The following CHLSN variants were observed in gnomAD, a reference collection of about 807,000 sequenced individuals.
CHLSN encodes cholesin.
chr7:1,092,245 C>G, the CHLSN span: 1 of 1,612,510 alleles, frequency 6.2e-7, no homozygotes, highest in Non-Finnish European at 8.5e-7. Context: ...CACCAAGCAC[C>G]ACGCCCGGCT....
the CHLSN span, chr7:984,723 G>A: frequency 7.9e-7 from 1 of 1,257,876 alleles, no homozygotes; most frequent in Non-Finnish European, 1.1e-6. Context: ...TGCTGAGAAG[G>A]GCCAGGTGTC....
chr7:1,016,462 C>G, the CHLSN span, among the ~76,000 whole-genome samples: 8 of 117,640 alleles, frequency 6.8e-5, no homozygotes, highest in Non-Finnish European at 1.2e-4. Context: ...GCAGCGCACG[C>G]CAGCACATAG....
chr7:1,134,801 T>TGGGAGGCGGAGCTTGCA, the CHLSN span, among the ~76,000 whole-genome samples: 1 of 148,716 alleles, frequency 6.7e-6, no homozygotes, highest in South Asian at 2.1e-4. Flanking sequence ...GATGTGAACC[T>TGGGAGGCGGAGCTTGCA]GGGAGGCGGA....
the CHLSN span, among the ~76,000 whole-genome samples, chr7:1,085,461 C>G: frequency 6.6e-6 from 1 of 152,144 alleles, no homozygotes; most frequent in Non-Finnish European, 1.5e-5. Context: ...CAGTCAGTTT[C>G]TGCAACCATG....
the CHLSN span, among the ~76,000 whole-genome samples, chr7:1,042,194 C>T: frequency 6.6e-6 from 1 of 152,262 alleles, no homozygotes; most frequent in South Asian, 2.1e-4. Context: ...CGGCCCCAGG[C>T]CAGGAGCGCA....
the CHLSN span, among the ~76,000 whole-genome samples, chr7:1,065,677 G>A: frequency 5.3e-5 from 8 of 152,198 alleles, no homozygotes; most frequent in African/African-American, 1.9e-4. Context: ...AGGGAGGGGC[G>A]ACGGAGGCGG....
chr7:1,108,738 C>A, the CHLSN span, among the ~76,000 whole-genome samples: 1 of 152,192 alleles, frequency 6.6e-6, no homozygotes, highest in Non-Finnish European at 1.5e-5. Context: ...CGTGTCACTG[C>A]TGACACACAC....
chr7:1,040,837 C>T, the CHLSN span, among the ~76,000 whole-genome samples: 5 of 152,222 alleles, frequency 3.3e-5, no homozygotes, highest in Admixed American at 1.3e-4. Context: ...AAAAGCCTAG[C>T]GTCTAGAACA....
chr7:1,009,145 G>T, the CHLSN span, among the ~76,000 whole-genome samples: 1 of 151,972 alleles, frequency 6.6e-6, no homozygotes, highest in African/African-American at 2.4e-5. Flanking sequence ...TCTCCGAGGA[G>T]GTCATCTCTC....
the CHLSN span, among the ~76,000 whole-genome samples, chr7:987,977 TG>T: frequency 1.3e-3 from 74 of 59,052 alleles, no homozygotes; most frequent in Non-Finnish European, 1.7e-3. Context: ...CTGTGTGTCC[TG>T]GGGGGGTCCC....
the CHLSN span, among the ~76,000 whole-genome samples, chr7:1,098,864 G>C: frequency 6.6e-6 from 1 of 152,240 alleles, no homozygotes; most frequent in Admixed American, 6.5e-5. Context: ...ACAGGCAATG[G>C]AGTTTCCCTG....
chr7:987,876 TC>T, the CHLSN span, among the ~76,000 whole-genome samples: 1 of 144,220 alleles, frequency 6.9e-6, no homozygotes, highest in African/African-American at 2.7e-5. Flanking sequence ...GTCCTGGGGA[TC>T]CCCTGTGTGT....
the CHLSN span, among the ~76,000 whole-genome samples, chr7:1,042,476 A>G: frequency 1.3e-5 from 2 of 152,172 alleles, no homozygotes; most frequent in African/African-American, 4.8e-5. Context: ...ACGCAGCTGC[A>G]GCCTCTGGAG....
At chr7:1,105,993 A>G in the CHLSN span, among the ~76,000 whole-genome samples, 24 of 151,048 alleles carry the variant, frequency 1.6e-4, no homozygotes, top group Non-Finnish European at 2.9e-4. Flanking sequence ...AGGGGAGAGG[A>G]GAGAGGTGAA....
At chr7:1,091,898 T>C in the CHLSN span, 1 of 1,614,012 alleles carries the variant, frequency 6.2e-7, no homozygotes, top group South Asian at 1.1e-5. Context: ...CAGTACGTGA[T>C]CGGCCTGTTC....
chr7:1,001,480 TG>T, the CHLSN span, among the ~76,000 whole-genome samples: 3 of 118,918 alleles, frequency 2.5e-5, no homozygotes, highest in African/African-American at 1.0e-4. Context: ...GTCCTGTGGG[TG>T]AGTGGAGTCC....
the CHLSN span, among the ~76,000 whole-genome samples, chr7:1,041,085 G>A: frequency 1.3e-5 from 2 of 152,386 alleles, no homozygotes; most frequent in East Asian, 3.9e-4. Flanking sequence ...AAAAGGTCCA[G>A]GCTGGAAGCT....
the CHLSN span, among the ~76,000 whole-genome samples, chr7:1,124,903 A>G: frequency 1.3e-5 from 2 of 152,214 alleles, no homozygotes; most frequent in African/African-American, 4.8e-5. Context: ...GCCAGGCCTC[A>G]GCCTCCGGGT....
At chr7:1,092,997 G>A in the CHLSN span, 9 of 802,792 alleles carry the variant, frequency 1.1e-5, no homozygotes, top group African/African-American at 5.1e-5. Flanking sequence ...CGAGGGTCAC[G>A]CTTGCCTGGT....
Sources: allele counts gnomAD v4.1 joint callset (sites outside exome capture counted in the v4.1 genomes callset), GRCh38; gene constraint gnomAD v4.1.1; transcripts MANE v1.5; gene names NCBI Gene and HGNC (gene_info 2026-07-23, HGNC 2026-07-21).